The following MACROD2 variants were observed in gnomAD, a reference collection of about 807,000 sequenced individuals.
MACROD2 encodes the protein mono-ADP ribosylhydrolase 2.
In MACROD2, 36 loss-of-function variants were observed where a neutral mutation model predicts 70.4. That is an observed-to-expected ratio of 0.51 (90% CI 0.39 to 0.68). The LOEUF (loss-of-function observed/expected upper bound fraction) is 0.68, where lower values mean the gene tolerates loss of function less well. Ranked by LOEUF, MACROD2 falls within the 30% of genes least tolerant of loss-of-function variation. The probability of loss-of-function intolerance (pLI) is 0.00; values close to 1 mark genes in which losing one functional copy is unlikely to be tolerated. For synonymous variants in MACROD2, 172 were observed against 178.8 expected (o/e 0.96, Z 0.30); for missense variants, 496 against 538.4 (o/e 0.92, Z 0.78).
rs60109771 is a variant in MACROD2 at position 15,772,097 on chromosome 20, AAAAAATATATATAT to A, written c.646-90646_646-90633del. 6.1e-3 allele frequency among the ~76,000 whole-genome samples: 570 copies of A among 93,430 alleles called. 8 individuals carry two copies. Among genetic ancestry groups the A allele is most frequent in the African/African-American group, 0.027 (527 of 19,858 alleles). 61.3% of individuals were successfully genotyped at this position (93,430 alleles called of 152,430 possible). ...GAGACTCGGTCTCAAAAAAAAAAAAAAAAAATATATATATATATATATATATATATATTTCTTTT... is the reference window on the plus strand; with the variant it reads ...GAGACTCGGTCTCAAAAAAAAAAAAAATATATATATATATATATTTCTTTT... On this transcript the variant is annotated intron_variant, in intron 8 of 17. Coordinates refer to ENST00000684519, the MANE Select transcript of MACROD2 (RefSeq NM_001351661.2).
chr20:15,752,857 C>T (rs1020102379), intron 8 of MACROD2, among the ~76,000 whole-genome samples: 3 of 151,800 alleles, frequency 2.0e-5, no homozygotes, highest in Admixed American at 6.6e-5. Context: ...TGTGCTGAGC[C>T]GGTCTTAGAG....
At chr20:15,293,374 A>T (rs978939685) in intron 6 of MACROD2, among the ~76,000 whole-genome samples, 13 of 152,234 alleles carry the variant, frequency 8.5e-5, no homozygotes, top group African/African-American at 3.1e-4. Flanking sequence ...ATCTATATGC[A>T]CTGCTTAAAT....
At chr20:14,229,776 A>G (rs2081782868) in intron 3 of MACROD2, among the ~76,000 whole-genome samples, 1 of 152,226 alleles carries the variant, frequency 6.6e-6, no homozygotes, top group Non-Finnish European at 1.5e-5. Flanking sequence ...CTTTATCATA[A>G]TTGGACCAAA....
At chr20:15,914,947 T>TACCA (rs1555794313) in intron 10 of MACROD2, among the ~76,000 whole-genome samples, 1 of 151,978 alleles carries the variant, frequency 6.6e-6, no homozygotes, top group Non-Finnish European at 1.5e-5. Flanking sequence ...TTACAAAGGA[T>TACCA]GTTGGAAAGG....
chr20:15,292,183 A>G (rs577177653), intron 6 of MACROD2, among the ~76,000 whole-genome samples: 2 of 152,182 alleles, frequency 1.3e-5, no homozygotes, highest in Admixed American at 6.5e-5. Flanking sequence ...GCCTTTTGTC[A>G]TATTTCAATT....
rs569979245 is a variant in MACROD2 at position 15,016,855 on chromosome 20, C to T, written c.419-213085C>T. Among the ~76,000 whole-genome samples the T allele has an allele frequency of 1.7e-4, 26 of 152,230 alleles. No individual in the cohort carries two copies. In the South Asian group the frequency reaches 1.9e-3, roughly 11 times the overall value. On this transcript the variant is annotated intron_variant, in intron 5 of 17. Coordinates refer to ENST00000684519, the MANE Select transcript of MACROD2 (RefSeq NM_001351661.2). ...GTCTTGTGAGACATATTCACTACCA[C>T]GAGAATAGCACAAAAAAGACCAGCC...
intron 8 of MACROD2, among the ~76,000 whole-genome samples, chr20:15,780,720 A>C (rs1209776177): frequency 6.6e-6 from 1 of 152,134 alleles, no homozygotes; most frequent in African/African-American, 2.4e-5. Context: ...TTTACAAAGT[A>C]AACAATGATG....
chr20:15,770,179 C>T (rs370073066), intron 8 of MACROD2, among the ~76,000 whole-genome samples: 2 of 148,306 alleles, frequency 1.3e-5, no homozygotes, highest in Admixed American at 1.4e-4. Context: ...ACAGCAGCCT[C>T]GAACTCCTGA....
At chr20:14,614,072 C>T (rs1040682994) in intron 4 of MACROD2, among the ~76,000 whole-genome samples, 1 of 152,038 alleles carries the variant, frequency 6.6e-6, no homozygotes, top group Non-Finnish European at 1.5e-5. Context: ...GTTTACTTTT[C>T]ATGCTGTCTC....
intron 3 of MACROD2, among the ~76,000 whole-genome samples, chr20:14,393,245 T>C (rs1326964431): frequency 6.6e-6 from 1 of 152,156 alleles, no homozygotes; most frequent in African/African-American, 2.4e-5. Flanking sequence ...TGAATGAGCA[T>C]GTTAACAAGA....
chr20:15,846,200 C>T (rs949779667), intron 8 of MACROD2, among the ~76,000 whole-genome samples: 4 of 152,108 alleles, frequency 2.6e-5, no homozygotes, highest in African/African-American at 9.7e-5. Context: ...TGCAATTGAC[C>T]AGAACTTCTC....
chr20:15,775,486 G>A (rs2051706595), intron 8 of MACROD2, among the ~76,000 whole-genome samples: 1 of 152,090 alleles, frequency 6.6e-6, no homozygotes, highest in Admixed American at 6.6e-5. Context: ...TAGCAAGGGA[G>A]GGGGTATAAC....
chr20:15,419,526 G>A lies in MACROD2; in HGVS notation c.541-11879G>A, dbSNP rs143317976. ...CAATCAGCCCTGTGTTCTTGTTCCC[G>A]ATTCCTGTGTGCAAGAGGCTTCTTC... On this transcript the variant is annotated intron_variant, in intron 6 of 17. Transcript: ENST00000684519. 1.8e-3 allele frequency among the ~76,000 whole-genome samples: 267 copies of A among 152,272 alleles called. 3 individuals are homozygous for A. The highest frequency in any genetic ancestry group is 0.01 in the Middle Eastern group (3 of 294).
Position 14,085,748 on chromosome 20 carries a change from G to A in MACROD2, c.271+20G>A. ...ATGCCGGTGAGTAGTTGATTTTCCT[G>A]TGATGTGTTTGTTATGTAAGTATTA... On this transcript the variant is annotated intron_variant, in intron 3 of 17. Transcript: ENST00000684519. 1 of 1,367,872 alleles carries A rather than the reference G, an allele frequency of 7.3e-7. No homozygotes were observed. The highest frequency in any genetic ancestry group is 1.7e-5 in the South Asian group (1 of 57,874). The allele number at this position is 1,367,872 out of a possible 1,614,324, so 84.7% of individuals were successfully genotyped here.
intron 5 of MACROD2, among the ~76,000 whole-genome samples, chr20:14,869,800 A>G (rs1454358440): frequency 6.6e-6 from 1 of 152,166 alleles, no homozygotes; most frequent in East Asian, 1.9e-4. Context: ...TAAATGCTAC[A>G]TGCTATAATA....
chr20:14,127,786 C>A, intron 3 of MACROD2: 1 of 447,372 alleles, frequency 2.2e-6, no homozygotes, highest in South Asian at 1.9e-5. Flanking sequence ...GAAGAGAAAG[C>A]AAAAGAGAAA....
At chr20:15,026,285 C>T (rs2075230939) in intron 5 of MACROD2, among the ~76,000 whole-genome samples, 1 of 152,070 alleles carries the variant, frequency 6.6e-6, no homozygotes, top group African/African-American at 2.4e-5. Context: ...TTCTAATACC[C>T]ATTCAAACCC....
Position 15,846,341 on chromosome 20 carries a change from G to T in MACROD2, c.646-16404G>T, listed in dbSNP as rs531886455. Among the ~76,000 whole-genome samples the T allele has an allele frequency of 7.6e-4, 116 of 152,246 alleles. 1 individual carries two copies. The highest frequency in any genetic ancestry group is 2.7e-3 in the African/African-American group (112 of 41,548). On this transcript the variant is annotated intron_variant, in intron 8 of 17. Coordinates refer to ENST00000684519, the MANE Select transcript of MACROD2 (RefSeq NM_001351661.2). ...CACTGGTTTTGTCCCACACTAGACT[G>T]CTTGGGATGTCACAGACTTTCATTA...
chr20:15,030,386 T>C (rs1052523358), intron 5 of MACROD2, among the ~76,000 whole-genome samples: 2 of 151,964 alleles, frequency 1.3e-5, no homozygotes. Context: ...GGAGTTTGAG[T>C]TGGAGGCTTT....
Sources: gnomAD v4.1 joint callset for allele counts (sites outside exome capture counted in the v4.1 genomes callset) on GRCh38, gnomAD v4.1.1 for gene constraint, MANE v1.5 for transcripts, NCBI Gene and HGNC (gene_info 2026-07-23, HGNC 2026-07-21) for gene names.